PLEKHG7: variants seen among roughly 807,000 people sequenced by gnomAD.
PLEKHG7 encodes the protein pleckstrin homology domain-containing family G member 7.
A neutral mutation model predicts 85.2 loss-of-function variants in PLEKHG7; 77 were observed. The observed-to-expected ratio is 0.90, with a 90% confidence interval of 0.75 to 1.09. PLEKHG7 has a LOEUF of 1.09. PLEKHG7 is among the 50% of genes least tolerant of loss of function. The probability of loss-of-function intolerance (pLI) is 0.00; values close to 1 mark genes in which losing one functional copy is unlikely to be tolerated. For missense variants in PLEKHG7, 777 were observed against 804.3 expected (o/e 0.97, Z 0.41); for synonymous variants, 301 against 302.4 (o/e 1.00, Z 0.05).
intron 13 of PLEKHG7, among the ~76,000 whole-genome samples, chr12:92,758,879 G>A (rs1872909173): frequency 6.6e-6 from 1 of 152,140 alleles, no homozygotes; most frequent in Non-Finnish European, 1.5e-5. Context: ...TTCACTTCTT[G>A]GTCTTTTGGC....
intron 7 of PLEKHG7, among the ~76,000 whole-genome samples, chr12:92,739,248 G>A (rs1009469477): frequency 1.3e-5 from 2 of 152,164 alleles, no homozygotes; most frequent in African/African-American, 2.4e-5. Flanking sequence ...CTTAGATCAC[G>A]TGCCCACCCG....
chr12:92,713,200 T>C (rs1321685216), intron 3 of PLEKHG7, among the ~76,000 whole-genome samples: 1 of 152,184 alleles, frequency 6.6e-6, no homozygotes, highest in South Asian at 2.1e-4. Flanking sequence ...GGCCTTCCCT[T>C]TATTCAAGGG....
chr12:92,714,057 C>T (rs1348643453), intron 3 of PLEKHG7, among the ~76,000 whole-genome samples: 2 of 152,172 alleles, frequency 1.3e-5, no homozygotes, highest in Non-Finnish European at 2.9e-5. Flanking sequence ...GTGTAGGACC[C>T]CTCCTCATGG....
chr12:92,739,481 C>T (rs1200613434), intron 7 of PLEKHG7, among the ~76,000 whole-genome samples: 1 of 152,148 alleles, frequency 6.6e-6, no homozygotes, highest in Non-Finnish European at 1.5e-5. Flanking sequence ...TGAGTTATGC[C>T]ACCTTCCTTG....
At chr12:92,710,848 G>T (rs1871355474) in intron 3 of PLEKHG7, among the ~76,000 whole-genome samples, 1 of 152,186 alleles carries the variant, frequency 6.6e-6, no homozygotes, top group Admixed American at 6.5e-5. Flanking sequence ...AAGAGGCTGA[G>T]TGGTGTCCAC....
rs115752910 is a variant in PLEKHG7, at chr12:92,754,264, C to G, written c.1426C>G (p.Arg476Gly). The G allele has an allele frequency of 6.2e-7, 1 of 1,613,210 alleles. No homozygotes were observed. The highest frequency in any genetic ancestry group is 8.5e-7 in the Non-Finnish European group (1 of 1,179,468). The change falls in exon 11 of 17, where the codon CGG becomes GGG. Residue 476 changes from arginine (R) to glycine (G), a missense_variant and splice_region_variant. Physicochemically the swap from Arg to Gly is moderately radical, Grantham distance 125. Around this residue, in one of 3 missense-constraint regions of PLEKHG7, gnomAD observed 520 missense variants for 544.0 expected, o/e 0.96. Coordinates refer to ENST00000344636, the MANE Select transcript of PLEKHG7 (RefSeq NM_001377329.1). ...CAAGGAAAAGGTGGAAAAGTCCATC[C>G]GTAAGTCCCTGAGATAAGTGAGCTT... The part of the protein sequence containing the change: ...SIKEKVEKSI[R>G]DLEGKVKWLD...
rs528249454 is a variant in PLEKHG7, at chr12:92,760,273, G to C, written c.1637-1479G>C. Among the ~76,000 whole-genome samples, 3 of 152,178 alleles carry C rather than the reference G, an allele frequency of 2.0e-5. No individual in the cohort carries two copies. The East Asian group carries it at 5.8e-4, about 29-fold the overall frequency. On this transcript the variant is annotated intron_variant, in intron 13 of 16. Transcript: ENST00000344636. Reference sequence around the variant, plus strand: ...GAGAAGGGGAGAATGGTTTTCAAGGGACAACCAGAAGTCTTTGCCACAACT... The same window carrying C: ...GAGAAGGGGAGAATGGTTTTCAAGGCACAACCAGAAGTCTTTGCCACAACT...
At chr12:92,744,910 C>T (rs1057021695) in intron 9 of PLEKHG7, among the ~76,000 whole-genome samples, 8 of 152,070 alleles carry the variant, frequency 5.3e-5, no homozygotes, top group South Asian at 4.1e-4. Context: ...TCAGGCAATC[C>T]GCCTGCCTCA....
chr12:92,729,783 G>A lies in PLEKHG7; in HGVS notation c.658+663G>A, dbSNP rs1002502217. ...TCTTAGCAGAGTCCTTTTTACAAAA[G>A]AATCCTTGCTTGGAAATCCAATGTA... On this transcript the variant is annotated intron_variant, in intron 4 of 16. Coordinates refer to ENST00000344636, the MANE Select transcript of PLEKHG7 (RefSeq NM_001377329.1). 3.9e-5 allele frequency among the ~76,000 whole-genome samples: 6 copies of A among 152,244 alleles called. No individual in the cohort carries two copies. In the East Asian group the frequency reaches 9.6e-4, roughly 24 times the overall value.
At chr12:92,717,159 A>G (rs1386134837) in intron 3 of PLEKHG7, among the ~76,000 whole-genome samples, 1 of 152,260 alleles carries the variant, frequency 6.6e-6, no homozygotes, top group Non-Finnish European at 1.5e-5. Flanking sequence ...TACATGCTAC[A>G]TTTCTATAAG....
At position 92,737,457 on chromosome 12, in the gene PLEKHG7, C is replaced by T; in HGVS notation, c.875C>T (p.Ala292Val). The T allele has an allele frequency of 1.9e-6, 3 of 1,589,482 alleles. No homozygotes were observed. Among genetic ancestry groups the T allele is most frequent in the Non-Finnish European group, 2.6e-6 (3 of 1,173,674 alleles). ...TTAGACCTGAAAAAGCAGCAAGAGG[C>T]CGTGTGGGAACTTTTCACAAGTGAA... ...DQLDLKKQQE[A>V]VWELFTSECT... Residue 292 changes from alanine (A) to valine (V), a missense_variant, in exon 7 of 17, where the codon GCC (alanine) becomes GTC (valine). By Grantham distance (64) the Ala-to-Val change is moderately conservative. Coordinates refer to ENST00000344636, the MANE Select transcript of PLEKHG7 (RefSeq NM_001377329.1).
At position 92,762,920 on chromosome 12, in the gene PLEKHG7, G is replaced by A. The variant is rs188778057; in HGVS notation, c.1716+1089G>A. 1.5e-3 allele frequency among the ~76,000 whole-genome samples: 229 copies of A among 152,224 alleles called. 1 individual carries two copies. Among genetic ancestry groups the A allele is most frequent in the African/African-American group, 5.3e-3 (220 of 41,524 alleles). ...GTGGTTGGGGAGGGAATGGGTGTAC[G>A]AGAATATTAAGAGTCATAGTTTCGG... On this transcript the variant is annotated intron_variant, in intron 14 of 16. Transcript: ENST00000344636.
chr12:92,707,579 A>T (rs1871272820), intron 2 of PLEKHG7, 71 bp from the exon 3 acceptor site: 3 of 1,577,452 alleles, frequency 1.9e-6, no homozygotes, highest in Non-Finnish European at 2.6e-6. Flanking sequence ...TTCTCCTTTC[A>T]ACATGTTTGC....
chr12:92,739,483 C>T (rs1277991601), intron 7 of PLEKHG7, among the ~76,000 whole-genome samples: 1 of 152,190 alleles, frequency 6.6e-6, no homozygotes, highest in African/African-American at 2.4e-5. Flanking sequence ...AGTTATGCCA[C>T]CTTCCTTGTC....
intron 3 of PLEKHG7, among the ~76,000 whole-genome samples, chr12:92,720,014 G>A (rs1871592308): frequency 6.6e-6 from 1 of 152,190 alleles, no homozygotes; most frequent in Non-Finnish European, 1.5e-5. Flanking sequence ...TTGGGAATCT[G>A]GGTCCTAAGT....
chr12:92,712,147 A>T (rs190982972), intron 3 of PLEKHG7, among the ~76,000 whole-genome samples: 18 of 152,330 alleles, frequency 1.2e-4, no homozygotes, highest in Middle Eastern at 3.4e-3. Context: ...TGTATTTGCT[A>T]CTTCTTGCTC....
intron 10 of PLEKHG7, among the ~76,000 whole-genome samples, chr12:92,752,126 G>A (rs555456174): frequency 9.7e-4 from 148 of 152,144 alleles, no homozygotes; most frequent in Non-Finnish European, 1.9e-3. Context: ...CAAATTGCTA[G>A]GCAAGAGGCT....
intron 7 of PLEKHG7, among the ~76,000 whole-genome samples, chr12:92,739,713 G>A (rs932590698): frequency 1.3e-5 from 2 of 152,098 alleles, no homozygotes; most frequent in Non-Finnish European, 2.9e-5. Flanking sequence ...GGAAGACTCA[G>A]TATTTTTTTT....
intron 10 of PLEKHG7, among the ~76,000 whole-genome samples, chr12:92,748,008 A>C (rs952911494): frequency 6.6e-6 from 1 of 152,160 alleles, no homozygotes; most frequent in African/African-American, 2.4e-5. Context: ...ACAATAATTT[A>C]TTGTGTGTTT....
Sources: gnomAD v4.1 joint callset for allele counts (sites outside exome capture counted in the v4.1 genomes callset) on GRCh38, gnomAD v4.1.1 for gene constraint, gnomAD v4.1.1 regional missense constraint, MANE v1.5 for transcripts, NCBI Gene and HGNC (gene_info 2026-07-23, HGNC 2026-07-21) for gene names.